Variants in WDPCP observed in about 807,000 individuals in gnomAD.
WDPCP encodes WD repeat-containing and planar cell polarity effector protein fritz homolog.
WDPCP carries 71 observed loss-of-function variants against 93.1 expected under a neutral mutation model. The observed-to-expected ratio is 0.76, with a 90% confidence interval of 0.63 to 0.93. The LOEUF (loss-of-function observed/expected upper bound fraction) is 0.93, where lower values mean the gene tolerates loss of function less well. WDPCP is among the 40% of genes least tolerant of loss of function. The probability of loss-of-function intolerance (pLI) is 0.00; values close to 1 mark genes in which losing one functional copy is unlikely to be tolerated. For missense variants in WDPCP, 844 were observed against 887.4 expected (o/e 0.95, Z 0.62); for synonymous variants, 315 against 315.0 (o/e 1.00, Z 0.00).
intron 6 of WDPCP, among the ~76,000 whole-genome samples, chr2:63,465,030 AAC>A (rs1699252512): frequency 2.0e-5 from 3 of 152,102 alleles, no homozygotes; most frequent in African/African-American, 7.2e-5. Context: ...GTGTTTTAAA[AAC>A]ACAGTACCAT....
intron 9 of WDPCP, among the ~76,000 whole-genome samples, chr2:63,423,958 T>C (rs1404281360): frequency 6.6e-6 from 1 of 151,592 alleles, no homozygotes; most frequent in Admixed American, 6.6e-5. Flanking sequence ...GAAAAAACAC[T>C]GACATTCAAT....
chr2:63,640,806 G>C (rs1180458452), intron 3 of WDPCP, among the ~76,000 whole-genome samples: 1 of 151,970 alleles, frequency 6.6e-6, no homozygotes, highest in African/African-American at 2.4e-5. Context: ...TTCATTTTTT[G>C]TGTTACAAAA....
chr2:63,775,794 A>G (rs1021923320), intron 2 of WDPCP, among the ~76,000 whole-genome samples: 1 of 152,226 alleles, frequency 6.6e-6, no homozygotes, highest in Admixed American at 6.5e-5. Context: ...TCCCAACAGT[A>G]GCTGACATCA....
chr2:63,581,892 C>T (rs767797321), intron 1 of WDPCP, among the ~76,000 whole-genome samples: 3 of 151,736 alleles, frequency 2.0e-5, no homozygotes, highest in African/African-American at 4.8e-5. Context: ...ACCTGTAGTC[C>T]CAGCTATTTG....
At chr2:63,835,436 AC>A in the WDPCP span, among the ~76,000 whole-genome samples, 1 of 151,230 alleles carries the variant, frequency 6.6e-6, no homozygotes, top group Non-Finnish European at 1.5e-5. Flanking sequence ...TTACTAGAGA[AC>A]TTCAGTCATT....
intron 6 of WDPCP, among the ~76,000 whole-genome samples, chr2:63,452,296 T>C (rs922249946): frequency 8.5e-5 from 13 of 152,082 alleles, no homozygotes; most frequent in African/African-American, 2.9e-4. Context: ...TATGCACCCA[T>C]AACAGACAAA....
At chr2:63,697,660 T>A (rs1298960655) in intron 2 of WDPCP, among the ~76,000 whole-genome samples, 1 of 152,196 alleles carries the variant, frequency 6.6e-6, no homozygotes, top group African/African-American at 2.4e-5. Flanking sequence ...TATGATTTCT[T>A]CTTTTGAAAC....
intron 12 of WDPCP, among the ~76,000 whole-genome samples, chr2:63,322,814 C>T (rs1307821977): frequency 3.3e-5 from 5 of 152,132 alleles, no homozygotes; most frequent in Admixed American, 3.3e-4. Context: ...AGACTATCGC[C>T]TATTGCCAAG....
At position 63,404,058 on chromosome 2, in the gene WDPCP, C is replaced by G; in HGVS notation, c.1425G>C (p.Leu475Phe). 1.2e-6 allele frequency: 2 copies of G among 1,614,054 alleles called. No homozygotes were observed. Among genetic ancestry groups the G allele is most frequent in the Non-Finnish European group, 1.7e-6 (2 of 1,179,966 alleles). ...RFERGPLGVL[L>F]FKLGVFTRGQ... ...CTTTCCTTGACTTACCTAGTTTAAA[C>G]AACAGCACACCCAAAGGTCCTCTTT... Residue 475 changes from leucine (L) to phenylalanine (F), a missense_variant, in exon 10 of 18, where the codon TTG (leucine) becomes TTC (phenylalanine). Coordinates refer to ENST00000272321, the MANE Select transcript of WDPCP (RefSeq NM_015910.7).
intron 13 of WDPCP, among the ~76,000 whole-genome samples, chr2:63,281,086 C>A (rs550080322): frequency 6.6e-6 from 1 of 151,758 alleles, no homozygotes; most frequent in Non-Finnish European, 1.5e-5. Flanking sequence ...ATACATCTAA[C>A]GAAGGACTAA....
intron 12 of WDPCP, among the ~76,000 whole-genome samples, chr2:63,366,748 C>A (rs1346539640): frequency 1.3e-5 from 2 of 152,060 alleles, no homozygotes; most frequent in African/African-American, 4.8e-5. Context: ...TTATCAAATA[C>A]CTCTAGAAGA....
intron 6 of WDPCP, chr2:63,442,063 G>C (rs946496659): frequency 1.4e-4 from 22 of 152,046 alleles, no homozygotes; most frequent in Non-Finnish European, 2.5e-4. Flanking sequence ...TTGAGATTGA[G>C]GCTGAGGATA....
At chr2:63,814,716 T>C (rs1200194658) in intron 1 of WDPCP, among the ~76,000 whole-genome samples, 1 of 152,262 alleles carries the variant, frequency 6.6e-6, no homozygotes, top group Non-Finnish European at 1.5e-5. Flanking sequence ...AATTGTGTTT[T>C]TGAAAACAGC....
chr2:63,219,957 G>A (rs1487113927), intron 14 of WDPCP, among the ~76,000 whole-genome samples: 9 of 152,056 alleles, frequency 5.9e-5, no homozygotes, highest in African/African-American at 1.7e-4. Flanking sequence ...AGCCAAGATC[G>A]CGCCACTGCA....
At chr2:63,334,561 C>T (rs1470146105) in intron 12 of WDPCP, among the ~76,000 whole-genome samples, 1 of 152,100 alleles carries the variant, frequency 6.6e-6, no homozygotes, top group Non-Finnish European at 1.5e-5. Context: ...CCAAAGGAGG[C>T]AATCAGATAT....
intron 12 of WDPCP, among the ~76,000 whole-genome samples, chr2:63,326,409 G>A (rs558333105): frequency 8.8e-4 from 134 of 152,154 alleles, no homozygotes; most frequent in Non-Finnish European, 1.4e-3. Context: ...TGATGTAACT[G>A]TACTTGAAAG....
In WDPCP at chr2:63,122,528, T is replaced by C. The variant is rs1040580079; in HGVS notation, c.2191-472A>G. ...GTGGTTTTATAAGACTTTCATAACA[T>C]TTTATGAAGCTGCAAAGAAATATTA... On this transcript the variant is annotated intron_variant, in intron 17 of 17. Transcript: ENST00000272321. 3.3e-5 allele frequency among the ~76,000 whole-genome samples: 5 copies of C among 152,314 alleles called. No individual in the cohort carries two copies. In the South Asian group the frequency reaches 1.0e-3, roughly 32 times the overall value.
chr2:63,336,533 A>G (rs1467713278), intron 12 of WDPCP, among the ~76,000 whole-genome samples: 2 of 151,968 alleles, frequency 1.3e-5, no homozygotes, highest in African/African-American at 4.8e-5. Flanking sequence ...CTCTATTCTT[A>G]GTTTTCTGAG....
intron 15 of WDPCP, among the ~76,000 whole-genome samples, chr2:63,169,490 A>C (rs190250959): frequency 1.3e-5 from 2 of 152,360 alleles, no homozygotes; most frequent in East Asian, 3.9e-4. Flanking sequence ...AAATTAGAAC[A>C]ATCAGCTCCA....
Sources: allele counts gnomAD v4.1 joint callset (sites outside exome capture counted in the v4.1 genomes callset), GRCh38; gene constraint gnomAD v4.1.1; transcripts MANE v1.5; gene names NCBI Gene and HGNC (gene_info 2026-07-23, HGNC 2026-07-21).